POLI: variants seen among roughly 807,000 people sequenced by gnomAD.
POLI encodes DNA polymerase iota.
Under a neutral mutation model 51.6 loss-of-function variants are expected in POLI, and 58 were observed. That is an observed-to-expected ratio of 1.12 (90% CI 0.91 to 1.40). POLI has a LOEUF of 1.40. Among genes scored for constraint, POLI ranks in the 40% most tolerant of loss-of-function variants. The pLI is 0.00. For missense variants in POLI, 921 were observed against 871.3 expected (o/e 1.06, Z -0.72); for synonymous variants, 322 against 299.7 (o/e 1.07, Z -0.77).
Position 54,295,418 on chromosome 18 carries a change from A to G in POLI, c.*951A>G. The stretch of plus-strand genomic sequence containing the variant: ...TGCTAAACTAAAAATTGGATATAAG[A>G]TTGAGAATGTATTATATAATTTGCA... On this transcript the variant is annotated 3_prime_UTR_variant, in exon 10 of 10. Coordinates refer to ENST00000579534, the MANE Select transcript of POLI (RefSeq NM_007195.3). 1 of 975,724 alleles carries G rather than the reference A, an allele frequency of 1.0e-6. No homozygotes were observed. Among genetic ancestry groups the G allele is most frequent in the South Asian group, 4.7e-5 (1 of 21,082 alleles). 60.4% of individuals were successfully genotyped at this position (975,724 alleles called of 1,614,324 possible).
At chr18:54,269,501 C>T (rs1248068025), upstream of POLI, 3 of 1,498,400 alleles carry the variant, frequency 2.0e-6, no homozygotes, top group South Asian at 3.8e-5. Context: ...TCCCTGGAGA[C>T]CAGGCGGAAG....
chr18:54,281,729 C>G (rs2087507410), intron 5 of POLI, among the ~76,000 whole-genome samples: 1 of 148,044 alleles, frequency 6.8e-6, no homozygotes, highest in Non-Finnish European at 1.5e-5. Flanking sequence ...CTTGGCTTTA[C>G]TTTCGAGTTC....
chr18:54,276,799 C>A (rs546471404), intron 3 of POLI, among the ~76,000 whole-genome samples: 2 of 152,228 alleles, frequency 1.3e-5, no homozygotes, highest in South Asian at 4.1e-4. Context: ...CAAAAAAGCA[C>A]CTTTGGTGTT....
At position 54,294,792 on chromosome 18, in the gene POLI, T is replaced by C. The variant is rs3730829; in HGVS notation, c.*325T>C. 2.3e-5 allele frequency: 23 copies of C among 986,978 alleles called. No homozygotes were observed. Among genetic ancestry groups the C allele is most frequent in the Admixed American group, 5.9e-5 (1 of 16,896 alleles). 61.1% of individuals were successfully genotyped at this position (986,978 alleles called of 1,614,324 possible). On this transcript the variant is annotated 3_prime_UTR_variant, in exon 10 of 10. Transcript: ENST00000579534. Reference sequence around the variant, plus strand: ...TATATATAAAAAATAGCCAAATCGTTGCAATGATATGGTAAAGGACACATT... The same window carrying C: ...TATATATAAAAAATAGCCAAATCGTCGCAATGATATGGTAAAGGACACATT...
chr18:54,318,494 T>TGCC (rs1294848053), intron 3 of POLI, among the ~76,000 whole-genome samples: 1 of 150,326 alleles, frequency 6.7e-6, no homozygotes, highest in Non-Finnish European at 1.5e-5. Context: ...TAAACTATAT[T>TGCC]GTCGTTTACT....
At chr18:54,302,731 T>C (rs1320705740), downstream of POLI, among the ~76,000 whole-genome samples, 1 of 152,224 alleles carries the variant, frequency 6.6e-6, no homozygotes, top group East Asian at 1.9e-4. Context: ...CTAATTATTT[T>C]TTGTACCCAT....
At chr18:54,283,399 C>G (rs927070375) in intron 6 of POLI, among the ~76,000 whole-genome samples, 14 of 152,158 alleles carry the variant, frequency 9.2e-5, no homozygotes, top group Non-Finnish European at 1.5e-4. Context: ...GGGACAAGCA[C>G]TTTACTGAGT....
At chr18:54,292,940 G>T (rs1221043446) in intron 9 of POLI, among the ~76,000 whole-genome samples, 1 of 152,002 alleles carries the variant, frequency 6.6e-6, no homozygotes, top group South Asian at 2.1e-4. Flanking sequence ...AAAGTACCTT[G>T]TATGTATTTG....
intron 3 of POLI, among the ~76,000 whole-genome samples, chr18:54,313,773 A>G (rs192196513): frequency 6.6e-6 from 1 of 152,252 alleles, no homozygotes; most frequent in African/African-American, 2.4e-5. Context: ...GTTGGTATGT[A>G]GGAATACTAC....
chr18:54,320,890 C>T (rs1568163348), intron 4 of POLI, among the ~76,000 whole-genome samples: 1 of 151,282 alleles, frequency 6.6e-6, no homozygotes, highest in African/African-American at 2.4e-5. Flanking sequence ...ATAATAATAC[C>T]ATATTCCCTT....
chr18:54,272,133 T>G (rs533343369), intron 2 of POLI: 1 of 152,348 alleles, frequency 6.6e-6, no homozygotes, highest in Non-Finnish European at 1.5e-5. Context: ...AAGAACATTT[T>G]TGGTTCACTT....
chr18:54,317,405 G>A (rs535154), intron 3 of POLI, among the ~76,000 whole-genome samples: 90,202 of 151,648 alleles, frequency 0.59, 28,146 homozygotes, highest in Middle Eastern at 0.72. Context: ...AGTGTGTACA[G>A]TAATATGCAC....
intron 2 of POLI, among the ~76,000 whole-genome samples, chr18:54,273,084 AAGT>A (rs1222705698): frequency 1.3e-4 from 20 of 152,114 alleles, no homozygotes; most frequent in African/African-American, 2.4e-5. Flanking sequence ...AGTGGTAAGC[AAGT>A]AGTCAACTTG....
intron 4 of POLI, among the ~76,000 whole-genome samples, chr18:54,279,386 GCAT>G (rs2087396730): frequency 6.6e-6 from 1 of 151,934 alleles, no homozygotes; most frequent in Non-Finnish European, 1.5e-5. Flanking sequence ...GGGACTACAG[GCAT>G]GTGCCACTAC....
intron 6 of POLI, 83 bp downstream of exon 6, chr18:54,283,098 T>TA: frequency 1.1e-6 from 1 of 873,880 alleles, no homozygotes; most frequent in Non-Finnish European, 1.7e-6. Flanking sequence ...ACCATGTTCT[T>TA]ACTATTCTAG....
intron 3 of POLI, among the ~76,000 whole-genome samples, chr18:54,305,859 C>T (rs996651742): frequency 4.6e-5 from 7 of 151,838 alleles, no homozygotes; most frequent in African/African-American, 1.2e-4. Flanking sequence ...CCTGGGTTCA[C>T]GCCATTCTCC....
chr18:54,294,784 C>T lies in POLI; in HGVS notation c.*317C>T. Reference sequence around the variant, plus strand: ...TATATGTTTATATATAAAAAATAGCCAAATCGTTGCAATGATATGGTAAAG... The same window carrying T: ...TATATGTTTATATATAAAAAATAGCTAAATCGTTGCAATGATATGGTAAAG... On this transcript the variant is annotated 3_prime_UTR_variant, in exon 10 of 10. Transcript: ENST00000579534. 1.0e-6 allele frequency: 1 copy of T among 984,680 alleles called. No homozygotes were observed. The highest frequency in any genetic ancestry group is 4.7e-5 in the South Asian group (1 of 21,248). 61.0% of individuals were successfully genotyped at this position (984,680 alleles called of 1,614,324 possible). A position where few individuals can be genotyped will look rare whatever the true frequency, so the allele number is the denominator to read the frequency against.
chr18:54,291,525 T>C (rs1013020531), intron 8 of POLI: 1 of 207,772 alleles, frequency 4.8e-6, no homozygotes, highest in Non-Finnish European at 9.6e-6. Context: ...CTTCTCACTT[T>C]GTTTGCCTTT....
In POLI at chr18:54,293,799, C is replaced by T. The variant is rs1277142233; in HGVS notation, c.1555C>T (p.Pro519Ser). 2 of 1,607,332 alleles carry T rather than the reference C, an allele frequency of 1.2e-6. No homozygotes were observed. The highest frequency in any genetic ancestry group is 2.7e-5 in the African/African-American group (2 of 74,732). ...FSKEKDINEF[P>S]LCSLPEGVDQ... ...TAAAGAAAAAGACATTAATGAATTC[C>T]CACTCTGTTCACTTCCTGAAGGTGT... The change falls in exon 10 of 10, where the codon CCA becomes TCA. Residue 519 changes from proline (P) to serine (S), a missense_variant. By Grantham distance (74) the Pro-to-Ser change is moderately conservative (BLOSUM62 -1). Coordinates refer to ENST00000579534, the MANE Select transcript of POLI (RefSeq NM_007195.3).
Sources: gnomAD v4.1 joint callset for allele counts (sites outside exome capture counted in the v4.1 genomes callset) on GRCh38, gnomAD v4.1.1 for gene constraint, MANE v1.5 for transcripts, NCBI Gene and HGNC (gene_info 2026-07-23, HGNC 2026-07-21) for gene names.